DPP6: variants seen among roughly 807,000 people sequenced by gnomAD.
DPP6 encodes dipeptidyl peptidase like 6.
Under a neutral mutation model 122.6 loss-of-function variants are expected in DPP6, and 69 were observed. The observed-to-expected ratio is 0.56, with a 90% confidence interval of 0.46 to 0.69. The LOEUF (loss-of-function observed/expected upper bound fraction) is 0.69. DPP6 is among the 30% of genes least tolerant of loss of function. The probability of loss-of-function intolerance (pLI) is 0.00; values close to 1 mark genes in which losing one functional copy is unlikely to be tolerated. For synonymous variants in DPP6, 418 were observed against 433.1 expected, an observed-to-expected ratio of 0.97 and a Z score of 0.43; for missense variants, 928 against 1,116.9, an observed-to-expected ratio of 0.83 and a Z score of 2.41.
At chr7:154,510,038 A>T (rs1316348640) in intron 3 of DPP6, among the ~76,000 whole-genome samples, 2 of 152,200 alleles carry the variant, frequency 1.3e-5, no homozygotes, top group African/African-American at 4.8e-5. Flanking sequence ...CATGTCTGTG[A>T]ATACGTTAAA....
At chr7:154,352,387 C>T (rs533369046) in intron 1 of DPP6, among the ~76,000 whole-genome samples, 113 of 151,952 alleles carry the variant, frequency 7.4e-4, no homozygotes, top group African/African-American at 2.5e-3. Context: ...GGCCAGAACC[C>T]GGGAGGCGGA....
chr7:154,336,321 A>C (rs538338213), intron 1 of DPP6, among the ~76,000 whole-genome samples: 1 of 152,280 alleles, frequency 6.6e-6, no homozygotes, highest in Non-Finnish European at 1.5e-5. Context: ...TCAGATACAC[A>C]GTGGTGGTGC....
rs189448853 is a variant in DPP6 at position 154,678,268 on chromosome 7, A to G, written c.762+8827A>G. On this transcript the variant is annotated intron_variant, in intron 7 of 25. Coordinates refer to ENST00000377770, the MANE Select transcript of DPP6 (RefSeq NM_130797.4). ...CAACCCGCAGCTCGGGTTCCCTTCCACGTGGAAGCTGTGTTCTTTCCTTCT... is the reference window on the plus strand; with the variant it reads ...CAACCCGCAGCTCGGGTTCCCTTCCGCGTGGAAGCTGTGTTCTTTCCTTCT... 2.0e-5 allele frequency among the ~76,000 whole-genome samples: 3 copies of G among 152,298 alleles called. No individual in the cohort carries two copies. In the East Asian group the frequency reaches 5.8e-4, roughly 29 times the overall value.
intron 2 of DPP6, among the ~76,000 whole-genome samples, chr7:154,463,754 A>G (rs756304134): frequency 5.0e-5 from 6 of 119,136 alleles, no homozygotes; most frequent in Non-Finnish European, 1.0e-4. Context: ...GTCATCCCAG[A>G]GCTAGGACCT....
chr7:154,704,715 A>G (rs1351584582), intron 7 of DPP6, among the ~76,000 whole-genome samples: 1 of 152,202 alleles, frequency 6.6e-6, no homozygotes, highest in East Asian at 1.9e-4. Context: ...TTAATAACTC[A>G]CATACATTTT....
intron 1 of DPP6, among the ~76,000 whole-genome samples, chr7:154,096,499 G>A (rs200659690): frequency 0.3 from 37,613 of 125,464 alleles, 5,218 homozygotes; most frequent in Admixed American, 0.41. Flanking sequence ...TGTGCATAAG[G>A]TGCTATTGAG....
At chr7:153,913,614 AATC>A (rs61398191) in intron 1 of DPP6, among the ~76,000 whole-genome samples, 14,249 of 152,200 alleles carry the variant, frequency 0.094, 819 homozygotes, top group Middle Eastern at 0.16. Context: ...TATTTGAGGA[AATC>A]ATCACATCTC....
chr7:153,767,663 G>A, the DPP6 span, among the ~76,000 whole-genome samples: 3 of 139,698 alleles, frequency 2.1e-5, no homozygotes, highest in Non-Finnish European at 4.8e-5. Flanking sequence ...ATAGCCATAA[G>A]CCACTGTGCC....
intron 7 of DPP6, among the ~76,000 whole-genome samples, chr7:154,714,728 C>T (rs989811283): frequency 6.6e-6 from 1 of 152,186 alleles, no homozygotes; most frequent in African/African-American, 2.4e-5. Context: ...CAAACCATAT[C>T]ATCCAGTTAA....
intron 8 of DPP6, among the ~76,000 whole-genome samples, chr7:154,765,583 C>T (rs1370832859): frequency 2.0e-5 from 3 of 152,166 alleles, no homozygotes; most frequent in African/African-American, 4.8e-5. Flanking sequence ...ATGGCACTGG[C>T]TTCTTCAAGG....
chr7:154,324,896 G>A (rs1490701207), intron 1 of DPP6, among the ~76,000 whole-genome samples: 10 of 84,984 alleles, frequency 1.2e-4, no homozygotes, highest in African/African-American at 1.9e-4. Context: ...GTCTTGCTCT[G>A]TTGCCCCTGG....
intron 1 of DPP6, among the ~76,000 whole-genome samples, chr7:153,887,985 G>C (rs1261690716): frequency 2.6e-5 from 4 of 152,208 alleles, no homozygotes; most frequent in Non-Finnish European, 5.9e-5. Flanking sequence ...ATGTGGCTTT[G>C]TGTTTTGGGC....
intron 3 of DPP6, among the ~76,000 whole-genome samples, chr7:154,522,868 A>G (rs1478000893): frequency 6.6e-6 from 1 of 152,140 alleles, no homozygotes; most frequent in African/African-American, 2.4e-5. Flanking sequence ...CACCTTCGGT[A>G]TCTCCCACTT....
chr7:154,848,900 C>T (rs1802153393), intron 16 of DPP6, among the ~76,000 whole-genome samples: 1 of 151,672 alleles, frequency 6.6e-6, no homozygotes, highest in African/African-American at 2.4e-5. Context: ...TTTTCCAACA[C>T]CACTTATTGA....
chr7:154,055,983 T>G (rs1186458716), intron 1 of DPP6: 2 of 152,200 alleles, frequency 1.3e-5, no homozygotes, highest in Non-Finnish European at 2.9e-5. Flanking sequence ...CCTACATGCC[T>G]GAGCATGACT....
chr7:154,650,760 T>A (rs983319752), intron 6 of DPP6, among the ~76,000 whole-genome samples: 8 of 152,056 alleles, frequency 5.3e-5, no homozygotes, highest in South Asian at 2.1e-4. Flanking sequence ...CAGATAAAAT[T>A]CGTGTTTCTG....
the DPP6 span, among the ~76,000 whole-genome samples, chr7:153,826,499 G>A: frequency 1.3e-5 from 2 of 152,206 alleles, no homozygotes; most frequent in South Asian, 2.1e-4. Flanking sequence ...TTTGGTCTGC[G>A]ACATTTTTAA....
chr7:154,485,943 C>A (rs12703356), intron 3 of DPP6, among the ~76,000 whole-genome samples: 6 of 144,264 alleles, frequency 4.2e-5, no homozygotes, highest in South Asian at 2.3e-4. Context: ...TCCCTCCCCC[C>A]TCCCCCCACC....
chr7:154,487,629 G>A lies in DPP6; in HGVS notation c.457+12592G>A, dbSNP rs548283213. ...TTTGGCCCAAGGGTGAGATTCTGCCGCGTCCTCTTTTTAGAGTGAAGCGCA... is the reference window on the plus strand; with the variant it reads ...TTTGGCCCAAGGGTGAGATTCTGCCACGTCCTCTTTTTAGAGTGAAGCGCA... On this transcript the variant is annotated intron_variant, in intron 3 of 25. Coordinates refer to ENST00000377770, the MANE Select transcript of DPP6 (RefSeq NM_130797.4). Among the ~76,000 whole-genome samples the A allele has an allele frequency of 8.5e-5, 13 of 152,268 alleles. 1 individual carries two copies. The highest frequency in any genetic ancestry group is 1.5e-4 in the Non-Finnish European group (10 of 68,026).
Sources: gnomAD v4.1 joint callset for allele counts (sites outside exome capture counted in the v4.1 genomes callset) on GRCh38, gnomAD v4.1.1 for gene constraint, MANE v1.5 for transcripts, NCBI Gene and HGNC (gene_info 2026-07-23, HGNC 2026-07-21) for gene names.